Variants in MARCHF1 observed in about 807,000 individuals in gnomAD.
MARCHF1 encodes E3 ubiquitin-protein ligase MARCHF1.
In MARCHF1, 40 loss-of-function variants were observed where a neutral mutation model predicts 54.2. That is an observed-to-expected ratio of 0.74 (90% CI 0.57 to 0.96). MARCHF1 has a LOEUF of 0.96. MARCHF1 is among the 40% of genes least tolerant of loss of function. The pLI is 0.00. For missense variants in MARCHF1, 586 were observed against 656.5 expected (o/e 0.89, Z 1.17); for synonymous variants, 236 against 236.3 (o/e 1.00, Z 0.01).
At chr4:164,124,821 G>T (rs188036218) in intron 1 of MARCHF1, among the ~76,000 whole-genome samples, 5 of 152,014 alleles carry the variant, frequency 3.3e-5, no homozygotes, top group African/African-American at 1.2e-4. Flanking sequence ...CAGTTAGTGT[G>T]CACTTTAAAA....
chr4:163,649,672 G>C (rs774211977), intron 5 of MARCHF1, among the ~76,000 whole-genome samples: 2 of 151,860 alleles, frequency 1.3e-5, no homozygotes, highest in South Asian at 4.2e-4. Flanking sequence ...AAAAAAAACC[G>C]CATGGGACTT....
intron 3 of MARCHF1, among the ~76,000 whole-genome samples, chr4:163,936,778 TCTCC>T (rs1429461476): frequency 6.6e-6 from 1 of 152,120 alleles, no homozygotes; most frequent in African/African-American, 2.4e-5. Context: ...ACAAAATTTT[TCTCC>T]CTGCCTTTTC....
chr4:163,979,866 G>A (rs1317671222), intron 3 of MARCHF1, among the ~76,000 whole-genome samples: 1 of 151,982 alleles, frequency 6.6e-6, no homozygotes, highest in South Asian at 2.1e-4. Flanking sequence ...TTTTGATGGG[G>A]TTGTTTGTTT....
Position 163,630,263 on chromosome 4 carries a change from GA to G in MARCHF1, c.163-16871del, listed in dbSNP as rs1257292462. On this transcript the variant is annotated intron_variant, in intron 5 of 9. Transcript: ENST00000514618. ...ATAAAATACTCCTCAGCAATAAAAAGAAAAAACTATTGAGATATGCAAAAAA... is the reference window on the plus strand; with the variant it reads ...ATAAAATACTCCTCAGCAATAAAAAGAAAAACTATTGAGATATGCAAAAAA... Among the ~76,000 whole-genome samples the G allele has an allele frequency of 2.2e-5, 3 of 134,194 alleles. No homozygotes were observed. In the Admixed American group the frequency reaches 2.3e-4, roughly 10 times the overall value. The allele number at this position is 134,194 out of a possible 152,430, so 88.0% of individuals were successfully genotyped here.
At chr4:163,953,086 T>G (rs1213116207) in intron 3 of MARCHF1, among the ~76,000 whole-genome samples, 1 of 152,162 alleles carries the variant, frequency 6.6e-6, no homozygotes, top group African/African-American at 2.4e-5. Flanking sequence ...TCTCTTTAGC[T>G]TTACACCCCT....
At chr4:164,014,044 T>C (rs946155998) in intron 2 of MARCHF1, among the ~76,000 whole-genome samples, 1 of 151,554 alleles carries the variant, frequency 6.6e-6, no homozygotes, top group African/African-American at 2.4e-5. Context: ...AAAAAAAAAT[T>C]AACTGGGCAT....
chr4:164,163,170 A>C (rs1225397633), intron 1 of MARCHF1, among the ~76,000 whole-genome samples: 1 of 152,100 alleles, frequency 6.6e-6, no homozygotes, highest in African/African-American at 2.4e-5. Context: ...GAAGATCCTA[A>C]ATACAGGAAG....
chr4:163,532,159 T>C (rs12651563), intron 9 of MARCHF1, among the ~76,000 whole-genome samples: 83,420 of 151,558 alleles, frequency 0.55, 23,847 homozygotes, highest in Admixed American at 0.69. Flanking sequence ...AGTGGAAGAA[T>C]AAAGTTTTTG....
intron 7 of MARCHF1, among the ~76,000 whole-genome samples, chr4:163,596,152 A>G (rs1366917650): frequency 6.6e-6 from 1 of 152,018 alleles, no homozygotes; most frequent in Non-Finnish European, 1.5e-5. Context: ...TCAGTTTGGG[A>G]AAAGGAAAGG....
At chr4:164,225,324 G>A (rs532533617) in intron 1 of MARCHF1, among the ~76,000 whole-genome samples, 1 of 152,112 alleles carries the variant, frequency 6.6e-6, no homozygotes, top group African/African-American at 2.4e-5. Flanking sequence ...ATAAAATGGT[G>A]TATAATTACA....
chr4:164,075,080 A>G (rs1331247838), intron 2 of MARCHF1, among the ~76,000 whole-genome samples: 1 of 152,184 alleles, frequency 6.6e-6, no homozygotes, highest in Non-Finnish European at 1.5e-5. Context: ...TCTTTAAAAC[A>G]TGAAATCAAG....
At chr4:164,186,813 A>G (rs926882225) in intron 1 of MARCHF1, among the ~76,000 whole-genome samples, 1 of 152,330 alleles carries the variant, frequency 6.6e-6, no homozygotes, top group South Asian at 2.1e-4. Context: ...GTTATTCTTA[A>G]GTACGCTACC....
chr4:164,110,625 A>G (rs1326996789), intron 2 of MARCHF1, among the ~76,000 whole-genome samples: 1 of 151,104 alleles, frequency 6.6e-6, no homozygotes, highest in Non-Finnish European at 1.5e-5. Context: ...CCTTTTTTTC[A>G]TCTAGTCGAT....
At chr4:164,123,720 T>C (rs904862143) in intron 1 of MARCHF1, among the ~76,000 whole-genome samples, 3 of 152,146 alleles carry the variant, frequency 2.0e-5, no homozygotes, top group Non-Finnish European at 4.4e-5. Context: ...CTTCAATAAG[T>C]GGTTCTGGAA....
At chr4:163,782,670 A>AG (rs1491249141) in intron 4 of MARCHF1, among the ~76,000 whole-genome samples, 1 of 10,998 alleles carries the variant, frequency 9.1e-5, no homozygotes, top group East Asian at 1.9e-3. Flanking sequence ...CTCCATCTCC[A>AG]AAAAAAAAAA....
intron 3 of MARCHF1, among the ~76,000 whole-genome samples, chr4:163,938,515 G>T (rs1019954473): frequency 6.6e-6 from 1 of 152,092 alleles, no homozygotes; most frequent in Non-Finnish European, 1.5e-5. Context: ...TAATTACGTA[G>T]CCTCTAGCTC....
intron 1 of MARCHF1, among the ~76,000 whole-genome samples, chr4:164,175,674 T>A (rs76307429): frequency 0.011 from 1,632 of 152,322 alleles, 21 homozygotes; most frequent in East Asian, 0.052. Context: ...GAGAAAAGAC[T>A]GAGGTCCCTA....
At chr4:164,042,062 C>G (rs1754140596) in intron 2 of MARCHF1, among the ~76,000 whole-genome samples, 1 of 152,118 alleles carries the variant, frequency 6.6e-6, no homozygotes, top group South Asian at 2.1e-4. Flanking sequence ...CCATTGCCAA[C>G]AATATTCGAT....
At chr4:164,359,236 A>C (rs923571119) in intron 1 of MARCHF1, among the ~76,000 whole-genome samples, 1 of 152,180 alleles carries the variant, frequency 6.6e-6, no homozygotes, top group African/African-American at 2.4e-5. Context: ...TGTGTGTGGT[A>C]GTTCTGAGAG....
Sources: allele counts gnomAD v4.1 joint callset (sites outside exome capture counted in the v4.1 genomes callset), GRCh38; gene constraint gnomAD v4.1.1; transcripts MANE v1.5; gene names NCBI Gene and HGNC (gene_info 2026-07-23, HGNC 2026-07-21).